TBL1XR1: variants seen among roughly 807,000 people sequenced by gnomAD.
The protein encoded by TBL1XR1 is TBL1X/Y related 1.
In TBL1XR1, 5 loss-of-function variants were observed where a neutral mutation model predicts 66.9. The ratio of observed to expected loss-of-function variants is 0.07; its 90% CI spans 0.04 to 0.16. TBL1XR1 has a LOEUF of 0.16. Ranked by LOEUF, TBL1XR1 falls within the 10% of genes least tolerant of loss-of-function variation. TBL1XR1 has a pLI of 1.00. For synonymous variants in TBL1XR1, 210 were observed against 206.0 expected (o/e 1.02, Z -0.17); for missense variants, 238 against 623.2 (o/e 0.38, Z 6.58).
rs115320348 is a variant in TBL1XR1, at chr3:177,043,705, T to C, written c.925+2424A>G. On this transcript the variant is annotated intron_variant, in intron 10 of 15. Transcript: ENST00000457928. ...CATTTACACTTATTTTGCTTTGTCA[T>C]ATGGTTACATTTAAATTTACTGTAC... is the stretch of plus-strand genomic sequence containing the variant. Among the ~76,000 whole-genome samples, 380 of 152,304 alleles carry C rather than the reference T, an allele frequency of 2.5e-3. 4 individuals carry two copies. The highest frequency in any genetic ancestry group is 8.9e-3 in the African/African-American group (369 of 41,572).
chr3:177,180,567 A>G (rs1353842981), intron 1 of TBL1XR1, among the ~76,000 whole-genome samples: 1 of 152,106 alleles, frequency 6.6e-6, no homozygotes, highest in Non-Finnish European at 1.5e-5. Context: ...AAAGTTTTAA[A>G]ACCGAAAATC....
At chr3:177,049,599 G>C (rs768484126) in intron 7 of TBL1XR1, among the ~76,000 whole-genome samples, 14 of 152,078 alleles carry the variant, frequency 9.2e-5, no homozygotes, top group Non-Finnish European at 1.9e-4. Flanking sequence ...TTGCTACACA[G>C]AATTCTTTTA....
chr3:177,080,382 T>C (rs1409140768), intron 2 of TBL1XR1, among the ~76,000 whole-genome samples: 3 of 152,124 alleles, frequency 2.0e-5, no homozygotes, highest in Non-Finnish European at 4.4e-5. Flanking sequence ...AGTACTTACT[T>C]TAAGTGATAA....
At position 177,115,033 on chromosome 3, in the gene TBL1XR1, T is replaced by C. The variant is rs183259693; in HGVS notation, c.-121-16492A>G. ...TAATGATTTTTAATTAAAGTATCAC[T>C]GTAAGGAGGAGTGAGGCGGTCTACA... On this transcript the variant is annotated intron_variant, in intron 1 of 15. Coordinates refer to ENST00000457928, the MANE Select transcript of TBL1XR1 (RefSeq NM_024665.7). Among the ~76,000 whole-genome samples, 212 of 152,124 alleles carry C rather than the reference T, an allele frequency of 1.4e-3. 1 individual carries two copies. Among genetic ancestry groups the C allele is most frequent in the Non-Finnish European group, 2.2e-3 (152 of 68,004 alleles).
chr3:177,068,017 C>T (rs1187847749), intron 2 of TBL1XR1, among the ~76,000 whole-genome samples: 1 of 152,174 alleles, frequency 6.6e-6, no homozygotes, highest in East Asian at 1.9e-4. Context: ...AACTAGGTCA[C>T]AAAACAGCAC....
intron 1 of TBL1XR1, among the ~76,000 whole-genome samples, chr3:177,130,671 A>G (rs1728191385): frequency 6.6e-6 from 1 of 152,160 alleles, no homozygotes; most frequent in African/African-American, 2.4e-5. Context: ...TTTGAACCAT[A>G]TAAAATGCTC....
At chr3:177,066,474 G>A (rs919741132) in intron 2 of TBL1XR1, among the ~76,000 whole-genome samples, 1 of 152,182 alleles carries the variant, frequency 6.6e-6, no homozygotes, top group South Asian at 2.1e-4. Flanking sequence ...GGTGTGGAAG[G>A]AATGAGTGAG....
chr3:177,197,308 G>T lies in TBL1XR1; in HGVS notation c.-309C>A. Reference sequence around the variant, plus strand: ...TGGGCGCCGGGCGGGCGGGGGCGGGGAGCGCGGCGCGGGTCCCCAGGTGGC... The same window carrying T: ...TGGGCGCCGGGCGGGCGGGGGCGGGTAGCGCGGCGCGGGTCCCCAGGTGGC... On this transcript the variant is annotated 5_prime_UTR_variant, in exon 1 of 16. Coordinates refer to ENST00000457928, the MANE Select transcript of TBL1XR1 (RefSeq NM_024665.7). The T allele has an allele frequency of 6.7e-6, 1 of 148,496 alleles. No homozygotes were observed. The highest frequency in any genetic ancestry group is 1.9e-4 in the South Asian group (1 of 5,364). 9.2% of individuals were successfully genotyped at this position (148,496 alleles called of 1,614,324 possible). A position where few individuals can be genotyped will look rare whatever the true frequency, so the allele number is the denominator to read the frequency against.
In TBL1XR1 at chr3:177,197,186, C is replaced by T. The variant is rs1418793968; in HGVS notation, c.-187G>A. The T allele has an allele frequency of 6.5e-6, 1 of 154,062 alleles. No homozygotes were observed. Among genetic ancestry groups the T allele is most frequent in the African/African-American group, 2.4e-5 (1 of 41,366 alleles). 9.5% of individuals were successfully genotyped at this position (154,062 alleles called of 1,614,324 possible). ...AATGGAGGCACAAGGAAATTCCCCT[C>T]CTCGCCGCCGCCGCCACCGCCTCCA... On this transcript the variant is annotated 5_prime_UTR_variant, in exon 1 of 16. Transcript: ENST00000457928.
chr3:177,112,093 ATATATATATATATATT>A (rs1460482519), intron 1 of TBL1XR1, among the ~76,000 whole-genome samples: 1 of 49,672 alleles, frequency 2.0e-5, no homozygotes, highest in African/African-American at 1.0e-4. Context: ...ATATATATAT[ATATATATATATATATT>A]TTTTTTTTTT....
At chr3:177,192,460 TAAG>T (rs1736283139) in intron 1 of TBL1XR1, among the ~76,000 whole-genome samples, 1 of 149,670 alleles carries the variant, frequency 6.7e-6, no homozygotes, top group South Asian at 2.1e-4. Flanking sequence ...CAAGTAGGCT[TAAG>T]AAGTCCAACC....
At chr3:177,087,731 C>T (rs567140402) in intron 2 of TBL1XR1, among the ~76,000 whole-genome samples, 7 of 151,410 alleles carry the variant, frequency 4.6e-5, no homozygotes, top group East Asian at 1.9e-4. Context: ...ATCCACTGGA[C>T]GGATGGATGA....
chr3:177,041,377 C>A (rs1715561198), intron 10 of TBL1XR1, among the ~76,000 whole-genome samples: 1 of 152,190 alleles, frequency 6.6e-6, no homozygotes. Context: ...AAGCTCCCCT[C>A]TGCACCAGGC....
chr3:177,146,162 T>C (rs1730213459), intron 1 of TBL1XR1, among the ~76,000 whole-genome samples: 2 of 152,216 alleles, frequency 1.3e-5, no homozygotes, highest in South Asian at 4.1e-4. Context: ...GCTATCATTC[T>C]GGCAAAGGTT....
At chr3:177,056,988 T>C (rs1717884967) in intron 3 of TBL1XR1, among the ~76,000 whole-genome samples, 1 of 152,202 alleles carries the variant, frequency 6.6e-6, no homozygotes, top group Admixed American at 6.5e-5. Context: ...TATCACTTCT[T>C]GCTTGAGAAT....
At chr3:177,152,532 G>A (rs556526310) in intron 1 of TBL1XR1, among the ~76,000 whole-genome samples, 17 of 152,216 alleles carry the variant, frequency 1.1e-4, no homozygotes, top group South Asian at 1.0e-3. Context: ...TGATCTGCCC[G>A]CCTCGGCCTC....
intron 2 of TBL1XR1, among the ~76,000 whole-genome samples, chr3:177,080,805 C>A (rs1190139554): frequency 6.6e-6 from 1 of 152,302 alleles, no homozygotes; most frequent in Non-Finnish European, 1.5e-5. Flanking sequence ...TCTAGCAAAT[C>A]CTCCAGGGTC....
chr3:177,098,405 T>G (rs1723773081), intron 2 of TBL1XR1, 61 bp downstream of exon 2: 2 of 934,172 alleles, frequency 2.1e-6, no homozygotes, highest in South Asian at 9.9e-5. Context: ...TTCAAAATTC[T>G]CAAAAGATTC....
chr3:177,158,533 G>A (rs1731798879), intron 1 of TBL1XR1, among the ~76,000 whole-genome samples: 1 of 151,872 alleles, frequency 6.6e-6, no homozygotes, highest in Non-Finnish European at 1.5e-5. Flanking sequence ...GGCCAATATA[G>A]GAATTTAAAA....
Sources: allele counts gnomAD v4.1 joint callset (sites outside exome capture counted in the v4.1 genomes callset), GRCh38; gene constraint gnomAD v4.1.1; transcripts MANE v1.5; gene names NCBI Gene and HGNC (gene_info 2026-07-23, HGNC 2026-07-21).